Variants in CENPP observed in about 807,000 individuals in gnomAD.
CENPP encodes centromere protein P.
CENPP carries 24 observed loss-of-function variants against 35.6 expected under a neutral mutation model. That is an observed-to-expected ratio of 0.67 (90% CI 0.49 to 0.95). The LOEUF is 0.95. CENPP is among the 40% of genes least tolerant of loss of function. The probability of loss-of-function intolerance (pLI) is 0.00; values close to 1 mark genes in which losing one functional copy is unlikely to be tolerated. For missense variants in CENPP, 332 were observed against 345.3 expected, an observed-to-expected ratio of 0.96 and a Z score of 0.31; for synonymous variants, 120 against 125.5, an observed-to-expected ratio of 0.96 and a Z score of 0.29.
chr9:92,436,952 C>T (rs1372490733), intron 5 of CENPP, among the ~76,000 whole-genome samples: 1 of 152,136 alleles, frequency 6.6e-6, no homozygotes, highest in Admixed American at 6.6e-5. Flanking sequence ...GTAATCCCAG[C>T]ACTTTGGGAG....
chr9:92,460,400 G>A, intron 5 of CENPP: 1 of 886,168 alleles, frequency 1.1e-6, no homozygotes, highest in South Asian at 1.6e-5. Flanking sequence ...TAAACAGACA[G>A]TGATCTCTAC....
intron 5 of CENPP, chr9:92,600,593 A>G: frequency 1.9e-6 from 3 of 1,596,320 alleles, no homozygotes; most frequent in Non-Finnish European, 2.6e-6. Context: ...GTTCTGGGGC[A>G]TCAGTCACTA....
intron 5 of CENPP, among the ~76,000 whole-genome samples, chr9:92,399,922 G>A (rs1236361219): frequency 1.3e-5 from 2 of 152,058 alleles, no homozygotes; most frequent in Non-Finnish European, 1.5e-5. Flanking sequence ...ATATTTTAAT[G>A]TGTAGTACAT....
chr9:92,491,877 C>T (rs1286151572), intron 5 of CENPP, among the ~76,000 whole-genome samples: 1 of 152,108 alleles, frequency 6.6e-6, no homozygotes, highest in Non-Finnish European at 1.5e-5. Context: ...TGCTGCATTT[C>T]TCATCGCCTT....
intron 5 of CENPP, chr9:92,522,636 C>T (rs1307741417): frequency 1.9e-6 from 3 of 1,613,850 alleles, no homozygotes; most frequent in South Asian, 2.2e-5. Context: ...CAAACTTTTC[C>T]TCCATGCTAT....
intron 5 of CENPP, among the ~76,000 whole-genome samples, chr9:92,578,127 A>G (rs1036427518): frequency 1.3e-5 from 2 of 151,766 alleles, no homozygotes; most frequent in African/African-American, 2.4e-5. Flanking sequence ...AAGGACATGA[A>G]CTCGTCATTT....
At position 92,546,516 on chromosome 9, in the gene CENPP, C is replaced by T. The variant is rs146753510; in HGVS notation, c.565-64798C>T. ...GAGAAAAGAACAACTCCAGACGCAC[C>T]GCCTTAAGAGCTGTAATAGTCAACG... On this transcript the variant is annotated intron_variant, in intron 5 of 7. Transcript: ENST00000375587. Among the ~76,000 whole-genome samples the T allele has an allele frequency of 7.2e-5, 11 of 151,940 alleles. No individual in the cohort carries two copies. The South Asian group carries it at 8.3e-4, about 11-fold the overall frequency.
intron 5 of CENPP, among the ~76,000 whole-genome samples, chr9:92,483,354 G>A (rs1217059221): frequency 1.3e-5 from 2 of 151,702 alleles, no homozygotes; most frequent in Non-Finnish European, 1.5e-5. Flanking sequence ...TCAGCCTCCC[G>A]AGTAGCTGGG....
At chr9:92,464,862 C>T (rs910388760) in intron 5 of CENPP, 35 of 1,207,044 alleles carry the variant, frequency 2.9e-5, no homozygotes, top group East Asian at 4.7e-5. Context: ...TAGATTGAAT[C>T]GTTATTGAAA....
At chr9:92,467,034 C>T (rs1368792661) in intron 5 of CENPP, among the ~76,000 whole-genome samples, 2 of 152,130 alleles carry the variant, frequency 1.3e-5, no homozygotes, top group Non-Finnish European at 2.9e-5. Flanking sequence ...ACCATTTCTC[C>T]CAGAACAGAG....
chr9:92,548,144 A>G (rs1588265529), intron 5 of CENPP, among the ~76,000 whole-genome samples: 1 of 152,204 alleles, frequency 6.6e-6, no homozygotes, highest in African/African-American at 2.4e-5. Flanking sequence ...TTGCTGCTGC[A>G]TGTGTGTCAC....
At chr9:92,353,470 A>G (rs1841515614) in intron 4 of CENPP, among the ~76,000 whole-genome samples, 1 of 152,220 alleles carries the variant, frequency 6.6e-6, no homozygotes, top group Non-Finnish European at 1.5e-5. Context: ...GCTTGGTAAT[A>G]CTAAGAGAAG....
chr9:92,417,630 C>A, intron 5 of CENPP: 13 of 881,454 alleles, frequency 1.5e-5, no homozygotes, highest in East Asian at 7.8e-5. Flanking sequence ...TCAGAATACG[C>A]TTTGTATAAA....
intron 5 of CENPP, among the ~76,000 whole-genome samples, chr9:92,453,697 A>G (rs1335352767): frequency 6.6e-6 from 1 of 152,208 alleles, no homozygotes; most frequent in African/African-American, 2.4e-5. Context: ...CGGAAAGTTA[A>G]CAAGGATACC....
At chr9:92,485,006 G>A (rs11794346) in intron 5 of CENPP, among the ~76,000 whole-genome samples, 56,307 of 152,102 alleles carry the variant, frequency 0.37, 12,762 homozygotes, top group African/African-American at 0.64. Context: ...TATTCACTCT[G>A]TTCTGCAGAT....
chr9:92,484,732 C>T (rs778696309), intron 5 of CENPP, among the ~76,000 whole-genome samples: 5 of 152,220 alleles, frequency 3.3e-5, no homozygotes, highest in East Asian at 1.9e-4. Context: ...ATGTTGTCCA[C>T]GTCACCCACC....
chr9:92,459,936 A>G (rs553003035), intron 5 of CENPP, among the ~76,000 whole-genome samples: 3 of 152,170 alleles, frequency 2.0e-5, no homozygotes, highest in Admixed American at 6.6e-5. Flanking sequence ...TGTAACAACT[A>G]TCTTCCAGTT....
chr9:92,403,448 G>A (rs750671890), intron 5 of CENPP: 2 of 1,569,456 alleles, frequency 1.3e-6, no homozygotes, highest in Non-Finnish European at 8.6e-7. Flanking sequence ...ATAAACTAGT[G>A]GCCTGCTGAC....
At position 92,476,152 on chromosome 9, in the gene CENPP, C is replaced by T. The variant is rs1285853191; in HGVS notation, c.564+96293C>T. ...TAATAGTCCACCAGGCTACAGTCAC[C>T]TAAATAGTCCTCCAGGCCTGCCATT... On this transcript the variant is annotated intron_variant, in intron 5 of 7. Transcript: ENST00000375587. This position sits in a 1 kb window ranked among gnomAD's most constrained non-coding sequence, Gnocchi z 4.1. Among the ~76,000 whole-genome samples, 2 of 152,144 alleles carry T rather than the reference C, an allele frequency of 1.3e-5. No individual in the cohort carries two copies. The highest frequency in any genetic ancestry group is 1.5e-5 in the Non-Finnish European group (1 of 68,028).
Sources: allele counts gnomAD v4.1 joint callset (sites outside exome capture counted in the v4.1 genomes callset), GRCh38; gene constraint gnomAD v4.1.1; non-coding constraint Gnocchi (gnomAD v3.1); transcripts MANE v1.5; gene names NCBI Gene and HGNC (gene_info 2026-07-23, HGNC 2026-07-21).